ANKRD11: variants seen among roughly 807,000 people sequenced by gnomAD.
The protein encoded by ANKRD11 is ankyrin repeat domain 11.
In ANKRD11, 17 loss-of-function variants were observed where a neutral mutation model predicts 195.7. That is an observed-to-expected ratio of 0.09 (90% CI 0.06 to 0.13). The LOEUF (loss-of-function observed/expected upper bound fraction) is 0.13, where lower values mean the gene tolerates loss of function less well. Among genes scored for constraint, ANKRD11 ranks in the 10% least tolerant of loss-of-function variants. The pLI is 1.00. For missense variants in ANKRD11, 3,735 were observed against 3,566.1 expected (o/e 1.05, Z -1.21); for synonymous variants, 1,953 against 1,528.1 (o/e 1.28, Z -6.49).
rs774601199 is a variant in ANKRD11, at chr16:89,282,968, C to T, written c.3574G>A (p.Asp1192Asn). The T allele has an allele frequency of 3.7e-6, 6 of 1,613,306 alleles. No individual in the cohort carries two copies. The highest frequency in any genetic ancestry group is 2.7e-5 in the African/African-American group (2 of 74,766). ...RDRRKDRGAA[D>N]AGRDKKEKVF... Reference sequence around the variant, plus strand: ...TTCTCTTTTTTGTCTCTCCCCGCGTCGGCAGCCCCTCGGTCCTTTCTCCTG... The same window carrying T: ...TTCTCTTTTTTGTCTCTCCCCGCGTTGGCAGCCCCTCGGTCCTTTCTCCTG... The change falls in exon 9 of 13, where the codon GAC becomes AAC. Residue 1192 changes from aspartate (D) to asparagine (N), a missense_variant. Asp to Asn is a conservative substitution (Grantham distance 23, BLOSUM62 1). Transcript: ENST00000301030.
chr16:89,305,480 C>T (rs2036134761), intron 3 of ANKRD11, 136 bp from the exon 4 acceptor site: 1 of 1,252,970 alleles, frequency 8.0e-7, no homozygotes, highest in African/African-American at 1.5e-5. Flanking sequence ...CAGGGCGTGG[C>T]TGTGTGAGGC....
At chr16:89,306,253 G>A (rs1419391950) in intron 3 of ANKRD11, among the ~76,000 whole-genome samples, 1 of 41,332 alleles carries the variant, frequency 2.4e-5, no homozygotes, top group Non-Finnish European at 4.3e-5. Flanking sequence ...CTCCCACTCC[G>A]CAGACACGCG....
intron 2 of ANKRD11, among the ~76,000 whole-genome samples, chr16:89,383,740 C>G (rs1012188660): frequency 6.6e-6 from 1 of 152,136 alleles, no homozygotes; most frequent in Non-Finnish European, 1.5e-5. Flanking sequence ...CCCCTGCACT[C>G]GGACCAGCAA....
intron 1 of ANKRD11, among the ~76,000 whole-genome samples, chr16:89,470,051 G>A (rs926077049): frequency 1.4e-4 from 21 of 149,078 alleles, no homozygotes; most frequent in Non-Finnish European, 2.4e-4. Flanking sequence ...GACTACAGGC[G>A]CCCGCCACCA....
chr16:89,308,227 T>C (rs2036410173), intron 3 of ANKRD11, among the ~76,000 whole-genome samples: 1 of 152,200 alleles, frequency 6.6e-6, no homozygotes, highest in African/African-American at 2.4e-5. Flanking sequence ...TAAGAATAGA[T>C]TCGAGAATGC....
intron 1 of ANKRD11, among the ~76,000 whole-genome samples, chr16:89,442,170 T>C (rs2043539968): frequency 6.6e-6 from 1 of 152,104 alleles, no homozygotes; most frequent in African/African-American, 2.4e-5. Context: ...GGGAGGAGGC[T>C]CAGCAGAGGG....
At chr16:89,320,243 G>A (rs910830299) in intron 2 of ANKRD11, 9 of 152,288 alleles carry the variant, frequency 5.9e-5, no homozygotes, top group East Asian at 1.9e-4. Context: ...CTGCACAGCC[G>A]ACCACACAAC....
chr16:89,301,537 G>C (rs900323892), intron 4 of ANKRD11: 12 of 398,848 alleles, frequency 3.0e-5, no homozygotes, highest in Non-Finnish European at 4.9e-5. Context: ...GGTGGGCAGA[G>C]CTGTCTTGGG....
chr16:89,355,114 G>A (rs1220334442), intron 2 of ANKRD11, among the ~76,000 whole-genome samples: 2 of 152,192 alleles, frequency 1.3e-5, no homozygotes, highest in African/African-American at 2.4e-5. Context: ...CTGGGCAGCT[G>A]CCCTGTGGTC....
Position 89,479,603 on chromosome 16 carries a change from C to T in ANKRD11, c.-145+10642G>A, listed in dbSNP as rs192789680. On this transcript the variant is annotated intron_variant, in intron 1 of 12. Coordinates refer to ENST00000301030, the MANE Select transcript of ANKRD11 (RefSeq NM_013275.6). ...TGAGCTGAGATCACACCACTGCACT[C>T]CAGCCTGGGCAACAGAGCGAAACTC... 1.9e-3 allele frequency among the ~76,000 whole-genome samples: 291 copies of T among 150,510 alleles called. 2 individuals are homozygous for T. The highest frequency in any genetic ancestry group is 6.9e-3 in the African/African-American group (281 of 40,940).
chr16:89,490,507 G>GCGC lies in ANKRD11; in HGVS notation c.-410_-408dup, dbSNP rs1232072211. The GCGC allele has an allele frequency of 2.1e-6, 1 of 468,544 alleles. No homozygotes were observed. The highest frequency in any genetic ancestry group is 3.8e-6 in the Non-Finnish European group (1 of 260,730). The allele number at this position is 468,544 out of a possible 1,614,324, so 29.0% of individuals were successfully genotyped here. On this transcript the variant is annotated 5_prime_UTR_variant, in exon 1 of 13. Transcript: ENST00000301030. The stretch of plus-strand genomic sequence containing the variant: ...GCGTCTGGCCGCGGGCTCGGCGGCG[G>GCGC]CGCCTCCCCGGCTGGGGCCCTCGGT...
At chr16:89,437,749 C>T (rs2043276788) in intron 1 of ANKRD11, among the ~76,000 whole-genome samples, 1 of 152,120 alleles carries the variant, frequency 6.6e-6, no homozygotes, top group African/African-American at 2.4e-5. Flanking sequence ...CTCTGCACCT[C>T]CCATGCATCC....
intron 2 of ANKRD11, among the ~76,000 whole-genome samples, chr16:89,319,815 AT>A (rs1290667138): frequency 6.6e-6 from 1 of 152,206 alleles, no homozygotes; most frequent in African/African-American, 2.4e-5. Context: ...GTCTTTTTCA[AT>A]GAGAGACCAG....
At chr16:89,306,269 T>C (rs1328784586) in intron 3 of ANKRD11, among the ~76,000 whole-genome samples, 3 of 22,458 alleles carry the variant, frequency 1.3e-4, no homozygotes, top group Admixed American at 1.1e-3. Context: ...ACGCGCCACT[T>C]ACCTCCCCCT....
At chr16:89,413,947 A>G (rs1241646748) in intron 2 of ANKRD11, among the ~76,000 whole-genome samples, 4 of 152,084 alleles carry the variant, frequency 2.6e-5, no homozygotes, top group African/African-American at 4.8e-5. Flanking sequence ...CCACCCAGAC[A>G]GGGACCCCAG....
chr16:89,487,022 AG>A (rs2057640259), intron 1 of ANKRD11, among the ~76,000 whole-genome samples: 1 of 151,912 alleles, frequency 6.6e-6, no homozygotes, highest in African/African-American at 2.4e-5. Flanking sequence ...AAAAAAAAAA[AG>A]AAAAAAACAA....
At chr16:89,431,769 A>T (rs924940484) in intron 1 of ANKRD11, among the ~76,000 whole-genome samples, 1 of 152,104 alleles carries the variant, frequency 6.6e-6, no homozygotes, top group Non-Finnish European at 1.5e-5. Context: ...CCACTGCAAC[A>T]ATGTCCAACT....
intron 2 of ANKRD11, among the ~76,000 whole-genome samples, chr16:89,355,933 G>C (rs1199482984): frequency 6.6e-6 from 1 of 152,200 alleles, no homozygotes; most frequent in South Asian, 2.1e-4. Context: ...GCTCAGGAAC[G>C]CTAAGTGACT....
intron 2 of ANKRD11, among the ~76,000 whole-genome samples, chr16:89,333,885 G>T (rs192646188): frequency 6.6e-6 from 1 of 152,230 alleles, no homozygotes; most frequent in Admixed American, 6.5e-5. Flanking sequence ...CCAGTATGTG[G>T]GCGTGTGTTG....
Sources: gnomAD v4.1 joint callset for allele counts (sites outside exome capture counted in the v4.1 genomes callset) on GRCh38, gnomAD v4.1.1 for gene constraint, MANE v1.5 for transcripts, NCBI Gene and HGNC (gene_info 2026-07-23, HGNC 2026-07-21) for gene names.